The following ARHGAP10 variants were observed in gnomAD, a reference collection of about 807,000 sequenced individuals.
The protein encoded by ARHGAP10 is Rho GTPase activating protein 10.
ARHGAP10 carries 87 observed loss-of-function variants against 108.6 expected under a neutral mutation model. The ratio of observed to expected loss-of-function variants is 0.80; its 90% CI spans 0.67 to 0.96. ARHGAP10 has a LOEUF of 0.96. Among genes scored for constraint, ARHGAP10 ranks in the 40% least tolerant of loss-of-function variants. ARHGAP10 has a pLI of 0.00. For synonymous variants in ARHGAP10, 347 were observed against 341.1 expected (o/e 1.02, Z -0.19); for missense variants, 939 against 954.5 (o/e 0.98, Z 0.21).
At chr4:147,927,822 A>T (rs1447731161) in intron 13 of ARHGAP10, among the ~76,000 whole-genome samples, 1 of 152,220 alleles carries the variant, frequency 6.6e-6, no homozygotes, top group South Asian at 2.1e-4. Flanking sequence ...GGAAAAACTG[A>T]AGGGCACATT....
In ARHGAP10 at chr4:147,991,160, AT is replaced by A. The variant is rs1377369319; in HGVS notation, c.1716+24322del. On this transcript the variant is annotated intron_variant, in intron 18 of 22. Transcript: ENST00000336498. ...CCCCTGAACCTAAAAAAAAAAAAAA[AT>A]AAATAAAAGAAAACAAATAGAAGTC... Among the ~76,000 whole-genome samples the A allele has an allele frequency of 5.8e-4, 87 of 150,940 alleles. 3 individuals carry two copies. The highest frequency in any genetic ancestry group is 1.6e-3 in the African/African-American group (65 of 40,914).
intron 10 of ARHGAP10, among the ~76,000 whole-genome samples, chr4:147,893,390 T>A (rs909193477): frequency 6.7e-6 from 1 of 150,344 alleles, no homozygotes; most frequent in Admixed American, 6.6e-5. Context: ...AATTTTTTTT[T>A]ATGTAAGTGG....
intron 18 of ARHGAP10, among the ~76,000 whole-genome samples, chr4:148,018,137 C>T (rs183379728): frequency 1.3e-5 from 2 of 152,058 alleles, no homozygotes; most frequent in Non-Finnish European, 2.9e-5. Context: ...GTTGTAAATA[C>T]GTAGGTGCTG....
chr4:147,821,570 GA>G (rs1360385487), intron 1 of ARHGAP10, among the ~76,000 whole-genome samples: 1 of 152,182 alleles, frequency 6.6e-6, no homozygotes. Flanking sequence ...TGAAGTTTCA[GA>G]AACTTACAGT....
intron 15 of ARHGAP10, among the ~76,000 whole-genome samples, chr4:147,947,465 C>T (rs1475441751): frequency 4.0e-5 from 6 of 151,604 alleles, no homozygotes; most frequent in Admixed American, 2.0e-4. Context: ...TGCAGTGGCA[C>T]GATCTTGGCT....
intron 20 of ARHGAP10, among the ~76,000 whole-genome samples, chr4:148,048,476 C>G (rs1292246211): frequency 6.6e-6 from 1 of 152,148 alleles, no homozygotes; most frequent in East Asian, 1.9e-4. Flanking sequence ...GGATTTAAAT[C>G]CTACATTACT....
At chr4:147,971,182 G>GCACCCT in intron 18 of ARHGAP10, among the ~76,000 whole-genome samples, 1 of 152,022 alleles carries the variant, frequency 6.6e-6, no homozygotes, top group African/African-American at 2.4e-5. Context: ...TTATTTCCCA[G>GCACCCT]GTGGCAAAGG....
chr4:147,786,111 A>G (rs1168216339), intron 1 of ARHGAP10, among the ~76,000 whole-genome samples: 1 of 152,136 alleles, frequency 6.6e-6, no homozygotes, highest in Non-Finnish European at 1.5e-5. Flanking sequence ...AAAGTAAGAC[A>G]GGGGGAGACC....
chr4:147,743,146 G>A (rs1309980975), intron 1 of ARHGAP10, among the ~76,000 whole-genome samples: 2 of 151,242 alleles, frequency 1.3e-5, no homozygotes, highest in African/African-American at 2.4e-5. Context: ...CGATTCTCCT[G>A]CCTCAACCTC....
chr4:147,991,273 C>T (rs1015411903), intron 18 of ARHGAP10, among the ~76,000 whole-genome samples: 18 of 152,168 alleles, frequency 1.2e-4, no homozygotes, highest in African/African-American at 2.7e-4. Context: ...TGGAAGGACC[C>T]GTGAGACTCT....
intron 1 of ARHGAP10, among the ~76,000 whole-genome samples, chr4:147,759,581 C>A (rs1209105511): frequency 1.5e-3 from 11 of 7,280 alleles, no homozygotes; most frequent in South Asian, 0.026. Context: ...TGATACACCG[C>A]CCCCCCCCCC....
chr4:147,847,114 A>G (rs575395264), intron 3 of ARHGAP10, 37 bp from the exon 4 acceptor site: 3 of 1,557,282 alleles, frequency 1.9e-6, no homozygotes, highest in South Asian at 1.1e-5. Context: ...TTGGAAACCT[A>G]ATGCTGTGCT....
At chr4:147,740,953 C>G (rs1323927200) in intron 1 of ARHGAP10, among the ~76,000 whole-genome samples, 1 of 152,092 alleles carries the variant, frequency 6.6e-6, no homozygotes, top group Non-Finnish European at 1.5e-5. Context: ...TACAGTTGGG[C>G]ACATCCATAA....
chr4:147,932,821 T>C (rs1251430823), intron 13 of ARHGAP10, among the ~76,000 whole-genome samples: 2 of 151,890 alleles, frequency 1.3e-5, no homozygotes, highest in East Asian at 1.9e-4. Context: ...AGATAAAAAA[T>C]GGAAAAAACA....
intron 3 of ARHGAP10, among the ~76,000 whole-genome samples, chr4:147,843,517 TTTTTTC>T (rs147858413): frequency 0.025 from 3,849 of 152,166 alleles, 148 homozygotes; most frequent in African/African-American, 0.083. Flanking sequence ...TGAACTCCTT[TTTTTTC>T]TTTTTCTTTT....
Position 147,857,822 on chromosome 4 carries a change from A to C in ARHGAP10, c.486+168A>C. 4 of 503,356 alleles carry C rather than the reference A, an allele frequency of 7.9e-6. No homozygotes were observed. The South Asian group carries it at 2.0e-4, about 25-fold the overall frequency. The allele number at this position is 503,356 out of a possible 1,614,324, so 31.2% of individuals were successfully genotyped here. On this transcript the variant is annotated intron_variant, in intron 5 of 22. Coordinates refer to ENST00000336498, the MANE Select transcript of ARHGAP10 (RefSeq NM_024605.4). ...GAAAAAAGTCCTTGTGAAACAAGAA[A>C]AAATAATGAATACATCTTATAGTGA...
chr4:147,930,307 T>C (rs1409892581), intron 13 of ARHGAP10, among the ~76,000 whole-genome samples: 1 of 152,238 alleles, frequency 6.6e-6, no homozygotes, highest in Non-Finnish European at 1.5e-5. Flanking sequence ...TATCTTTTTC[T>C]GTCATGTATT....
At chr4:147,912,903 C>T (rs1249087784) in intron 12 of ARHGAP10, among the ~76,000 whole-genome samples, 171 bp from the exon 13 acceptor site, 3 of 151,920 alleles carry the variant, frequency 2.0e-5, no homozygotes, top group Admixed American at 6.6e-5. Flanking sequence ...CTCCCTGGGC[C>T]TCCCAAAGTG....
At chr4:147,965,502 A>AT (rs1368274463) in intron 17 of ARHGAP10, among the ~76,000 whole-genome samples, 1 of 152,194 alleles carries the variant, frequency 6.6e-6, no homozygotes, top group Non-Finnish European at 1.5e-5. Context: ...ATGGGTAGTT[A>AT]TTTTATAGAT....
Sources: allele counts gnomAD v4.1 joint callset (sites outside exome capture counted in the v4.1 genomes callset), GRCh38; gene constraint gnomAD v4.1.1; transcripts MANE v1.5; gene names NCBI Gene and HGNC (gene_info 2026-07-23, HGNC 2026-07-21).